PAX7: variants seen among roughly 807,000 people sequenced by gnomAD.
PAX7 encodes paired box 7.
PAX7 carries 18 observed loss-of-function variants against 50.7 expected under a neutral mutation model. That is an observed-to-expected ratio of 0.36 (90% CI 0.25 to 0.53). The LOEUF (loss-of-function observed/expected upper bound fraction) is 0.53. Ranked by LOEUF, PAX7 falls within the 20% of genes least tolerant of loss-of-function variation. The probability of loss-of-function intolerance (pLI) is 0.93; values close to 1 mark genes in which losing one functional copy is unlikely to be tolerated. For synonymous variants in PAX7, 310 were observed against 290.4 expected (o/e 1.07, Z -0.69); for missense variants, 644 against 702.9 (o/e 0.92, Z 0.95).
At chr1:18,722,337 C>T (rs776216098) in intron 7 of PAX7, among the ~76,000 whole-genome samples, 4 of 152,090 alleles carry the variant, frequency 2.6e-5, no homozygotes, top group East Asian at 1.9e-4. Flanking sequence ...GCATCGCCAG[C>T]GAGAAAGCTA....
At chr1:18,631,782 C>T in intron 1 of PAX7, 94 bp downstream of exon 1, 3 of 1,031,652 alleles carry the variant, frequency 2.9e-6, no homozygotes, top group African/African-American at 1.6e-5. Flanking sequence ...GTGGCGGCGC[C>T]GGCGATAGCA....
chr1:18,637,114 T>C (rs767447875), intron 4 of PAX7, among the ~76,000 whole-genome samples: 4 of 152,178 alleles, frequency 2.6e-5, no homozygotes, highest in African/African-American at 7.2e-5. Flanking sequence ...GGCTGGAGTC[T>C]GAGTCCTGCG....
intron 4 of PAX7, among the ~76,000 whole-genome samples, chr1:18,638,598 G>A (rs772076148): frequency 7.2e-5 from 11 of 152,212 alleles, no homozygotes; most frequent in Non-Finnish European, 1.3e-4. Context: ...CTGTGTAAGC[G>A]CAAGCATCTC....
chr1:18,703,181 A>C lies in PAX7; in HGVS notation c.1040A>C (p.Asp347Ala), dbSNP rs1247930967. The change falls in exon 7 of 9, where the codon GAC (aspartate) becomes GCC (alanine). Residue 347 changes from aspartate (D) to alanine (A), a missense_variant. Transcript: ENST00000420770. ...GGLAAAAAAA[D>A]TSSAYGARHS... ...CTGGCTGCAGCGGCTGCAGCCGCCGACACCAGCTCTGCCTACGGAGCCCGC... is the reference window on the plus strand; with the variant it reads ...CTGGCTGCAGCGGCTGCAGCCGCCGCCACCAGCTCTGCCTACGGAGCCCGC... The C allele has an allele frequency of 6.2e-7, 1 of 1,613,180 alleles. No homozygotes were observed. The highest frequency in any genetic ancestry group is 1.1e-5 in the South Asian group (1 of 91,074).
intron 7 of PAX7, among the ~76,000 whole-genome samples, chr1:18,707,001 A>G (rs2089292538): frequency 1.3e-5 from 2 of 152,224 alleles, no homozygotes; most frequent in African/African-American, 4.8e-5. Flanking sequence ...CAAGGACTCC[A>G]TGCAGAATCT....
chr1:18,719,929 T>C (rs2089474129), intron 7 of PAX7, among the ~76,000 whole-genome samples: 1 of 152,194 alleles, frequency 6.6e-6, no homozygotes, highest in Admixed American at 6.5e-5. Flanking sequence ...TCTACTCCTA[T>C]TAGTATTTGG....
rs569434401 is a variant in PAX7 at position 18,726,004 on chromosome 1, G to T, written c.1156-9628G>T. 6.6e-6 allele frequency among the ~76,000 whole-genome samples: 1 copy of T among 150,796 alleles called. No homozygotes were observed. The highest frequency in any genetic ancestry group is 1.9e-4 in the East Asian group (1 of 5,168). Reference sequence around the variant, plus strand: ...AGTGTGTGTGTGTGTGCGCGCGCGCGCGTGCGCGCGTGTGTGTGCGTGTGT... The same window carrying T: ...AGTGTGTGTGTGTGTGCGCGCGCGCTCGTGCGCGCGTGTGTGTGCGTGTGT... On this transcript the variant is annotated intron_variant, in intron 7 of 8. Coordinates refer to ENST00000420770, the MANE Select transcript of PAX7 (RefSeq NM_001135254.2). The surrounding 1 kb of genome is among the most constrained non-coding windows in gnomAD (Gnocchi z 4.8).
At chr1:18,730,531 A>G (rs742077) in intron 7 of PAX7, among the ~76,000 whole-genome samples, 2,674 of 108,692 alleles carry the variant, frequency 0.025, 81 homozygotes, top group East Asian at 0.13. Context: ...CCACCCACCC[A>G]CCACAAACCC....
chr1:18,663,181 G>T (rs2088624289), intron 4 of PAX7, among the ~76,000 whole-genome samples: 1 of 152,244 alleles, frequency 6.6e-6, no homozygotes, highest in Admixed American at 6.5e-5. Context: ...CACCTCGCCA[G>T]TGATGGGTTT....
intron 4 of PAX7, among the ~76,000 whole-genome samples, chr1:18,645,991 C>T (rs2088331947): frequency 1.3e-5 from 2 of 152,188 alleles, no homozygotes; most frequent in South Asian, 2.1e-4. Flanking sequence ...TTCTTGAGTT[C>T]GAATTCACCC....
intron 4 of PAX7, among the ~76,000 whole-genome samples, chr1:18,689,324 A>T (rs1433816185): frequency 6.6e-6 from 1 of 152,182 alleles, no homozygotes; most frequent in Non-Finnish European, 1.5e-5. Flanking sequence ...AGCCCCAGAA[A>T]TGGTGGGGAA....
chr1:18,708,615 G>A lies in PAX7; in HGVS notation c.1155+5319G>A, dbSNP rs552297497. Among the ~76,000 whole-genome samples the A allele has an allele frequency of 2.0e-5, 3 of 152,080 alleles. 1 individual carries two copies. In the South Asian group the frequency reaches 6.3e-4, roughly 32 times the overall value. On this transcript the variant is annotated intron_variant, in intron 7 of 8. Transcript: ENST00000420770. ...TAGGATGAAAGGAACCTTTTGTAAC[G>A]CAAATGACTTTGAATAATGTGACAC...
At position 18,745,780 on chromosome 1, in the gene PAX7, A is replaced by G. The variant is rs1931415954; in HGVS notation, c.*851A>G. The G allele has an allele frequency of 4.3e-6, 1 of 231,812 alleles. No individual in the cohort carries two copies. Among genetic ancestry groups the G allele is most frequent in the African/African-American group, 2.2e-5 (1 of 45,276 alleles). The allele number at this position is 231,812 out of a possible 1,614,324, so 14.4% of individuals were successfully genotyped here. A position where few individuals can be genotyped will look rare whatever the true frequency, so the allele number is the denominator to read the frequency against. On this transcript the variant is annotated 3_prime_UTR_variant, in exon 9 of 9. Coordinates refer to ENST00000420770, the MANE Select transcript of PAX7 (RefSeq NM_001135254.2). ...ATCTGGGGCCTGGGGAGCCCACAGA[A>G]CTTTTCAGTTTCCTTCATTAGCTGA...
At position 18,630,846 on chromosome 1, in the gene PAX7, A is replaced by G. The variant is rs1038686956; in HGVS notation, c.-758A>G. ...TCCTCCTCCTCCTCGTACTTCGGTG[A>G]ACACTTTTGCACAACTTACCCAGCT... On this transcript the variant is annotated 5_prime_UTR_variant, in exon 1 of 9. Transcript: ENST00000420770. Among the ~76,000 whole-genome samples, 36 of 151,792 alleles carry G rather than the reference A, an allele frequency of 2.4e-4. No individual in the cohort carries two copies. Among genetic ancestry groups the G allele is most frequent in the Admixed American group, 3.3e-4 (5 of 15,262 alleles).
chr1:18,681,071 G>C (rs1406419650), intron 4 of PAX7, among the ~76,000 whole-genome samples: 3 of 151,154 alleles, frequency 2.0e-5, no homozygotes, highest in Middle Eastern at 3.2e-3. Context: ...GAAGGCTGAG[G>C]CAGGAGAATC....
Position 18,747,143 on chromosome 1 carries a change from C to T in PAX7, c.*2214C>T, listed in dbSNP as rs9439737. On this transcript the variant is annotated 3_prime_UTR_variant, in exon 9 of 9. Transcript: ENST00000420770. ...AATGGCCAATCCTTCCATCTGGAGG[C>T]CTGGCTCAGAAAGTATCTGAGTATC... 0.016 allele frequency: 3,577 copies of T among 229,806 alleles called. 127 individuals are homozygous for T. Among genetic ancestry groups the T allele is most frequent in the African/African-American group, 0.073 (3,295 of 45,224 alleles). 14.2% of individuals were successfully genotyped at this position (229,806 alleles called of 1,614,324 possible).
At chr1:18,737,013 A>G (rs1368371437) in intron 8 of PAX7, among the ~76,000 whole-genome samples, 1 of 152,204 alleles carries the variant, frequency 6.6e-6, no homozygotes, top group Non-Finnish European at 1.5e-5. Context: ...GGTCTCATGC[A>G]CCCATCCCAG....
chr1:18,670,027 G>A (rs1261600214), intron 4 of PAX7, among the ~76,000 whole-genome samples: 1 of 146,148 alleles, frequency 6.8e-6, no homozygotes, highest in Non-Finnish European at 1.5e-5. Context: ...AGGTTGCAGT[G>A]AGCCGAGATC....
At chr1:18,680,534 G>A (rs1197485240) in intron 4 of PAX7, among the ~76,000 whole-genome samples, 1 of 152,128 alleles carries the variant, frequency 6.6e-6, no homozygotes, top group Admixed American at 6.5e-5. Flanking sequence ...TAACAAGAAC[G>A]AGGCTCAGGA....
Sources: allele counts gnomAD v4.1 joint callset (sites outside exome capture counted in the v4.1 genomes callset), GRCh38; gene constraint gnomAD v4.1.1; non-coding constraint Gnocchi (gnomAD v3.1); transcripts MANE v1.5; gene names NCBI Gene and HGNC (gene_info 2026-07-23, HGNC 2026-07-21).